The following PLCD3 variants were observed in gnomAD, a reference collection of about 807,000 sequenced individuals.
The protein encoded by PLCD3 is phospholipase C delta 3.
PLCD3 carries 62 observed loss-of-function variants against 82.8 expected under a neutral mutation model. The ratio of observed to expected loss-of-function variants is 0.75; its 90% confidence interval spans 0.61 to 0.93. The LOEUF (loss-of-function observed/expected upper bound fraction) is 0.93, where lower values mean the gene tolerates loss of function less well. Ranked by LOEUF, PLCD3 falls within the 40% of genes least tolerant of loss-of-function variation. The pLI is 0.00. For synonymous variants in PLCD3, 478 were observed against 471.8 expected, an observed-to-expected ratio of 1.01 and a Z score of -0.17; for missense variants, 1,023 against 1,103.4, an observed-to-expected ratio of 0.93 and a Z score of 1.03.
chr17:45,118,134 AG>A lies in PLCD3; in HGVS notation c.1119del (p.Phe374LeufsTer82), dbSNP rs779793097. ...GPSSTEAYVR[A>X]FAQGCRCVEL... ...TCCACGCAGCGGCATCCCTGGGCAA[AG>A]GCCCTGTGTGTGGACAGATGGGTGG... On this transcript the variant is annotated frameshift_variant, in exon 7 of 15. Transcript: ENST00000619929. LOFTEE classifies it high-confidence loss of function. This position sits in a 1 kb window ranked among gnomAD's most constrained non-coding sequence, Gnocchi z 4.1. The A allele has an allele frequency of 6.1e-5, 99 of 1,613,842 alleles. No individual in the cohort carries two copies. The highest frequency in any genetic ancestry group is 7.5e-5 in the Non-Finnish European group (89 of 1,179,888).
chr17:45,117,245 G>T (rs776793774), intron 7 of PLCD3, among the ~76,000 whole-genome samples: 5 of 151,742 alleles, frequency 3.3e-5, no homozygotes, highest in Non-Finnish European at 7.4e-5. Context: ...ACGCCTGGCC[G>T]ATTTTTTGTT....
rs1324776653 is a variant in PLCD3, at chr17:45,130,242, G to A, written c.163+2006C>T. On this transcript the variant is annotated intron_variant, in intron 1 of 14. Coordinates refer to ENST00000619929, the MANE Select transcript of PLCD3 (RefSeq NM_133373.5). ...TTCCCGAGAGTGTCACCTTGATGAG[G>A]TGCCCAGAGCTCCCGTGCAGCCTTA... 3.3e-5 allele frequency among the ~76,000 whole-genome samples: 5 copies of A among 152,152 alleles called. No individual in the cohort carries two copies. The East Asian group carries it at 7.7e-4, about 23-fold the overall frequency.
At chr17:45,124,120 C>G (rs1389372201) in intron 1 of PLCD3, among the ~76,000 whole-genome samples, 1 of 152,240 alleles carries the variant, frequency 6.6e-6, no homozygotes, top group Non-Finnish European at 1.5e-5. Flanking sequence ...CAACCAGGCT[C>G]TGCAGCTGGG....
At position 45,111,585 on chromosome 17, in the gene PLCD3, G is replaced by A. The variant is rs73984324; in HGVS notation, c.*1031C>T. 6.6e-6 allele frequency: 1 copy of A among 152,184 alleles called. No homozygotes were observed. Among genetic ancestry groups the A allele is most frequent in the South Asian group, 2.1e-4 (1 of 4,828 alleles). 9.4% of individuals were successfully genotyped at this position (152,184 alleles called of 1,614,324 possible). On this transcript the variant is annotated 3_prime_UTR_variant, in exon 15 of 15. Coordinates refer to ENST00000619929, the MANE Select transcript of PLCD3 (RefSeq NM_133373.5). ...GGGAGAGGCCCAAGAAACTCATCCA[G>A]CCCTGTCCCTCCTCATGGGCCTGTG...
chr17:45,119,035 G>T lies in PLCD3; in HGVS notation c.693C>A (p.Asp231Glu). Reference protein sequence around the residue: ...MYAYLLFKECDHSNNDRLEGA... With the variant: ...MYAYLLFKECEHSNNDRLEGA... ...CCTCTAGACGGTCGTTGTTGGAGTG[G>T]TCACACTCCTGGGGAGCAGCAGGAG... Residue 231 changes from aspartate to glutamate, a missense_variant, in exon 5 of 15, where the codon GAC (aspartate) becomes GAA (glutamate). Physicochemically the swap from Asp to Glu is conservative, Grantham distance 45 (BLOSUM62 2). Transcript: ENST00000619929. The T allele has an allele frequency of 2.5e-6, 4 of 1,607,136 alleles. No homozygotes were observed. The highest frequency in any genetic ancestry group is 3.4e-6 in the Non-Finnish European group (4 of 1,176,922).
In PLCD3 at chr17:45,118,957, C is replaced by G. The variant is rs774218398; in HGVS notation, c.771G>C (p.Glu257Asp). ...CGCCCGAGTACTGATGGAAGATCTC[C>G]TCCAGCTCCGGCCGCTTCAGCAGCC... ...LRRLLKRPEL[E>D]EIFHQYSGED... Residue 257 changes from glutamate (E) to aspartate (D), a missense_variant, in exon 5 of 15, where the codon GAG becomes GAC. By Grantham distance (45) the Glu-to-Asp change is conservative. This residue lies in a region of PLCD3 where 448 missense variants were observed against 406.3 expected (regional missense o/e 1.10). Transcript: ENST00000619929. The surrounding 1 kb of genome is among the most constrained non-coding windows in gnomAD (Gnocchi z 4.1). 19 of 1,612,318 alleles carry G rather than the reference C, an allele frequency of 1.2e-5. No homozygotes were observed. The highest frequency in any genetic ancestry group is 4.2e-6 in the Non-Finnish European group (5 of 1,179,648).
chr17:45,116,030 A>G (rs1033201001), intron 8 of PLCD3, among the ~76,000 whole-genome samples: 8 of 152,212 alleles, frequency 5.3e-5, no homozygotes, highest in African/African-American at 1.7e-4. Context: ...TTTCACAGTA[A>G]TAACAAAAAT....
chr17:45,120,212 C>CA (rs1456409417), intron 4 of PLCD3, 113 bp downstream of exon 4: 16 of 1,448,910 alleles, frequency 1.1e-5, no homozygotes, highest in African/African-American at 1.4e-5. Flanking sequence ...CTGCTCGCTC[C>CA]AAAAAAGCTG....
chr17:45,127,510 C>A (rs550845380), intron 1 of PLCD3, among the ~76,000 whole-genome samples: 4 of 152,184 alleles, frequency 2.6e-5, no homozygotes, highest in Non-Finnish European at 4.4e-5. Context: ...CATGTCAGAG[C>A]TGGAAGGGGC....
intron 1 of PLCD3, among the ~76,000 whole-genome samples, chr17:45,121,776 G>A (rs1450353208): frequency 6.6e-6 from 1 of 152,118 alleles, no homozygotes; most frequent in Admixed American, 6.5e-5. Flanking sequence ...GATCACTTGA[G>A]GTCGGGAGTT....
At chr17:45,119,110 C>G in intron 4 of PLCD3, 67 bp from the exon 5 acceptor site, 2 of 1,243,830 alleles carry the variant, frequency 1.6e-6, no homozygotes, top group South Asian at 1.4e-5. Context: ...TTTGACCCAT[C>G]TGTCATCTAC....
rs373840329 is a variant in PLCD3 at position 45,118,087 on chromosome 17, T to C, written c.1167A>G (p.Pro389=). 9.3e-6 allele frequency: 15 copies of C among 1,613,772 alleles called. No homozygotes were observed. In the African/African-American group the frequency reaches 1.1e-4, roughly 11 times the overall value. ...RCVELDCWEG[P]GGEPVIYHGH... ...CATGATAGATGACGGGCTCCCCTCC[T>C]GGCCCCTCCCAGCAGTCCAGCTCCA... is the stretch of plus-strand genomic sequence containing the variant. The change falls in exon 7 of 15, where the codon CCA becomes CCG. Residue 389 remains proline, a synonymous_variant. Transcript: ENST00000619929. This position sits in a 1 kb window ranked among gnomAD's most constrained non-coding sequence, Gnocchi z 4.1.
In PLCD3 at chr17:45,112,941, C is replaced by A; in HGVS notation, c.2203G>T (p.Val735Leu). Reference sequence around the variant, plus strand: ...GAGGTGGCGTCATAATCTTCCACCACAAACCGGACCAGTGCCAGCTCCGGA... The same window carrying A: ...GAGGTGGCGTCATAATCTTCCACCAAAAACCGGACCAGTGCCAGCTCCGGA... ...RAPELALVRF[V>L]VEDYDATSPN... The change falls in exon 14 of 15, where the codon GTG becomes TTG. Residue 735 changes from valine (V) to leucine (L), a missense_variant. Coordinates refer to ENST00000619929, the MANE Select transcript of PLCD3 (RefSeq NM_133373.5). The A allele has an allele frequency of 1.2e-6, 2 of 1,612,996 alleles. No individual in the cohort carries two copies. Among genetic ancestry groups the A allele is most frequent in the Non-Finnish European group, 1.7e-6 (2 of 1,179,404 alleles).
chr17:45,124,486 C>T (rs887681069), intron 1 of PLCD3, among the ~76,000 whole-genome samples: 2 of 44,556 alleles, frequency 4.5e-5, no homozygotes, highest in African/African-American at 1.3e-4. Context: ...GGTGCTGAGT[C>T]CCTGGTTGGG....
chr17:45,118,072 G>A lies in PLCD3; in HGVS notation c.1182C>T (p.Val394=), dbSNP rs765076247. Residue 394 remains valine (V), a synonymous_variant, in exon 7 of 15, where the codon GTC becomes GTT. Transcript: ENST00000619929. The surrounding 1 kb of genome is among the most constrained non-coding windows in gnomAD (Gnocchi z 4.1). ...DCWEGPGGEP[V]IYHGHTLTSK... Reference sequence around the variant, plus strand: ...AGGTGAGGGTATGGCCATGATAGATGACGGGCTCCCCTCCTGGCCCCTCCC... The same window carrying A: ...AGGTGAGGGTATGGCCATGATAGATAACGGGCTCCCCTCCTGGCCCCTCCC... 6.2e-6 allele frequency: 10 copies of A among 1,613,752 alleles called. No homozygotes were observed. The Admixed American group carries it at 1.7e-4, about 27-fold the overall frequency.
intron 8 of PLCD3, 90 bp downstream of exon 8, chr17:45,116,542 T>C (rs2143557036): frequency 7.4e-7 from 1 of 1,345,654 alleles, no homozygotes; most frequent in Admixed American, 2.6e-5. Flanking sequence ...AGGTGAGGGG[T>C]CCTGAGCCAC....
rs116727231 is a variant in PLCD3 at position 45,118,638 on chromosome 17, G to A, written c.914-146C>T. On this transcript the variant is annotated intron_variant, in intron 5 of 14. Transcript: ENST00000619929. The surrounding 1 kb of genome is among the most constrained non-coding windows in gnomAD (Gnocchi z 4.1). ...ATGTAAGTCATGCCACTTAACCTTC[G>A]ACCAGACCCTGGGAGGAAGACAAAC... 1.5e-3 allele frequency: 1,759 copies of A among 1,150,266 alleles called. 23 individuals carry two copies. The African/African-American group carries it at 0.024, about 16-fold the overall frequency. The allele number at this position is 1,150,266 out of a possible 1,614,324, so 71.3% of individuals were successfully genotyped here.
Position 45,115,240 on chromosome 17 carries a change from T to C in PLCD3, c.1565A>G (p.Lys522Arg), listed in dbSNP as rs1447605199. Residue 522 changes from lysine (K) to arginine (R), a missense_variant, in exon 10 of 15, where the codon AAG becomes AGG. Lys to Arg is a conservative substitution (Grantham distance 26). Coordinates refer to ENST00000619929, the MANE Select transcript of PLCD3 (RefSeq NM_133373.5). The stretch of plus-strand genomic sequence containing the variant: ...GGCCGACAGCTCCGGGGAGATCTGC[T>C]TGGCCTAGGAGACCAGGCTCAGCGG... ...VEAAAQRRLAKQISPELSALA... is the reference protein window; with the variant it reads ...VEAAAQRRLARQISPELSALA... 4 of 1,561,004 alleles carry C rather than the reference T, an allele frequency of 2.6e-6. No individual in the cohort carries two copies. Among genetic ancestry groups the C allele is most frequent in the Non-Finnish European group, 3.5e-6 (4 of 1,150,576 alleles).
rs1336247914 is a variant in PLCD3 at position 45,113,198 on chromosome 17, G to T, written c.2055C>A (p.Asp685Glu). 3.1e-6 allele frequency: 5 copies of T among 1,611,504 alleles called. No homozygotes were observed. The African/African-American group carries it at 5.3e-5, about 17-fold the overall frequency. The change falls in exon 13 of 15, where the codon GAC becomes GAA. Residue 685 changes from aspartate to glutamate, a missense_variant. By Grantham distance (45) the Asp-to-Glu change is conservative (BLOSUM62 2). Transcript: ENST00000619929. ...LNAEKPHSIV[D>E]PLVRIEIHGV... is the part of the protein sequence containing the mutation. ...CATGGATCTCAATGCGCACCAGGGGGTCCACAATGGAGTGTGGCTTCTCGG... is the reference window on the plus strand; with the variant it reads ...CATGGATCTCAATGCGCACCAGGGGTTCCACAATGGAGTGTGGCTTCTCGG...
Sources: gnomAD v4.1 joint callset for allele counts (sites outside exome capture counted in the v4.1 genomes callset) on GRCh38, gnomAD v4.1.1 for gene constraint, gnomAD v4.1.1 regional missense constraint, Gnocchi (gnomAD v3.1) non-coding constraint, MANE v1.5 for transcripts, NCBI Gene and HGNC (gene_info 2026-07-23, HGNC 2026-07-21) for gene names.